The following STXBP4 variants were observed in gnomAD, a reference collection of about 807,000 sequenced individuals.
The protein encoded by STXBP4 is syntaxin-binding protein 4.
STXBP4 carries 55 observed loss-of-function variants against 76.1 expected under a neutral mutation model. The ratio of observed to expected loss-of-function variants is 0.72; its 90% CI spans 0.58 to 0.91. The LOEUF (loss-of-function observed/expected upper bound fraction) is 0.91, where lower values mean the gene tolerates loss of function less well. Among genes scored for constraint, STXBP4 ranks in the 40% least tolerant of loss-of-function variants. The pLI, the probability that STXBP4 is intolerant of heterozygous loss-of-function variation, is 0.00. For synonymous variants in STXBP4, 201 were observed against 220.2 expected, an observed-to-expected ratio of 0.91 and a Z score of 0.77; for missense variants, 618 against 636.9, an observed-to-expected ratio of 0.97 and a Z score of 0.32.
chr17:55,043,508 T>A, intron 11 of STXBP4, 183 bp downstream of exon 11: 1 of 1,041,646 alleles, frequency 9.6e-7, no homozygotes, highest in Non-Finnish European at 1.4e-6. Flanking sequence ...TTGGTCTACA[T>A]ATTTATATTT....
chr17:54,969,442 G>T (rs1399889185), intron 1 of STXBP4, among the ~76,000 whole-genome samples: 1 of 152,246 alleles, frequency 6.6e-6, no homozygotes, highest in Non-Finnish European at 1.5e-5. Context: ...AAGAGCTCAG[G>T]TTCTGAGGTT....
intron 12 of STXBP4, among the ~76,000 whole-genome samples, chr17:55,062,542 A>G (rs2079006749): frequency 6.6e-6 from 1 of 152,040 alleles, no homozygotes; most frequent in Non-Finnish European, 1.5e-5. Flanking sequence ...ATAGTGCTAC[A>G]ATAAACATAT....
intron 12 of STXBP4, among the ~76,000 whole-genome samples, chr17:55,059,460 G>A (rs1446305589): frequency 1.3e-5 from 2 of 151,948 alleles, no homozygotes; most frequent in Non-Finnish European, 2.9e-5. Context: ...GTCTTGTTTT[G>A]TGAAAAAATA....
chr17:55,052,704 T>C (rs1344468661), intron 12 of STXBP4, among the ~76,000 whole-genome samples: 1 of 151,982 alleles, frequency 6.6e-6, no homozygotes, highest in Non-Finnish European at 1.5e-5. Context: ...GACTAAATGT[T>C]GCTAAATGTG....
chr17:55,183,682 A>G, the STXBP4 span, among the ~76,000 whole-genome samples: 1 of 152,200 alleles, frequency 6.6e-6, no homozygotes, highest in African/African-American at 2.4e-5. Flanking sequence ...TAAAAAGCAA[A>G]TGAATTTTAA....
intron 1 of STXBP4, among the ~76,000 whole-genome samples, chr17:54,983,793 A>G (rs1176641608): frequency 1.2e-4 from 18 of 152,192 alleles, no homozygotes; most frequent in Admixed American, 9.2e-4. Context: ...AAAGCAGTCT[A>G]TAATGAACTT....
chr17:55,133,290 C>A (rs2079992364), intron 16 of STXBP4, among the ~76,000 whole-genome samples: 1 of 151,898 alleles, frequency 6.6e-6, no homozygotes, highest in Non-Finnish European at 1.5e-5. Context: ...TGTCCTAGGC[C>A]TGAGCAACTG....
At position 54,970,100 on chromosome 17, in the gene STXBP4, T is replaced by C. The variant is rs139107254; in HGVS notation, c.-157+1285T>C. On this transcript the variant is annotated intron_variant, in intron 1 of 17. Coordinates refer to ENST00000376352, the MANE Select transcript of STXBP4 (RefSeq NM_178509.6). The stretch of plus-strand genomic sequence containing the variant: ...CAGGGGAAGGAAAGAGATAGAATGA[T>C]TGAAGAACAGAAAGAAGGCCACTGT... 1.8e-3 allele frequency among the ~76,000 whole-genome samples: 278 copies of C among 152,178 alleles called. 4 individuals carry two copies. In the East Asian group the frequency reaches 0.038, roughly 21 times the overall value.
chr17:55,051,616 G>T (rs1598267327), intron 12 of STXBP4, among the ~76,000 whole-genome samples: 1 of 152,188 alleles, frequency 6.6e-6, no homozygotes, highest in South Asian at 2.1e-4. Flanking sequence ...CCCTGAGTTG[G>T]GTGTGATGGT....
the STXBP4 span, among the ~76,000 whole-genome samples, chr17:55,182,840 T>C: frequency 4.8e-4 from 73 of 152,258 alleles, no homozygotes; most frequent in South Asian, 1.2e-3. Flanking sequence ...TAGAATTCTA[T>C]GTCTGGCAAT....
chr17:55,190,180 T>C, the STXBP4 span, among the ~76,000 whole-genome samples: 1 of 152,158 alleles, frequency 6.6e-6, no homozygotes. Context: ...CAAATACTTA[T>C]TGAACACCAT....
intron 8 of STXBP4, among the ~76,000 whole-genome samples, chr17:55,010,683 G>A (rs1598198746): frequency 1.3e-5 from 2 of 151,940 alleles, no homozygotes; most frequent in African/African-American, 2.4e-5. Flanking sequence ...ATGCCATTTC[G>A]CTGATATTTA....
At chr17:55,181,800 G>A in the STXBP4 span, among the ~76,000 whole-genome samples, 4 of 152,176 alleles carry the variant, frequency 2.6e-5, no homozygotes, top group Admixed American at 2.0e-4. Context: ...GATTCTAGAA[G>A]GGGTGAGTAA....
At chr17:55,207,049 G>A in the STXBP4 span, among the ~76,000 whole-genome samples, 1 of 151,962 alleles carries the variant, frequency 6.6e-6, no homozygotes, top group African/African-American at 2.4e-5. Context: ...ACTTCTCACA[G>A]TGGTTCACCC....
At chr17:55,123,652 G>C (rs2079872223) in intron 16 of STXBP4, among the ~76,000 whole-genome samples, 1 of 152,112 alleles carries the variant, frequency 6.6e-6, no homozygotes, top group African/African-American at 2.4e-5. Flanking sequence ...TGTAATCCCA[G>C]CACTTTGGGA....
intron 7 of STXBP4, among the ~76,000 whole-genome samples, chr17:55,004,298 T>C (rs1422896633): frequency 4.6e-5 from 7 of 152,092 alleles, no homozygotes; most frequent in East Asian, 3.9e-4. Context: ...AGCAAAATAG[T>C]TATGGGGAAA....
intron 17 of STXBP4, among the ~76,000 whole-genome samples, chr17:55,145,073 G>A (rs1457460070): frequency 6.6e-6 from 1 of 152,134 alleles, no homozygotes; most frequent in East Asian, 1.9e-4. Flanking sequence ...GTTTCTTTAT[G>A]GTTCTTAGCT....
At chr17:54,969,124 C>G (rs1404446055) in intron 1 of STXBP4, among the ~76,000 whole-genome samples, 1 of 152,180 alleles carries the variant, frequency 6.6e-6, no homozygotes. Context: ...TCATGGGCAC[C>G]CACGACACCT....
intron 4 of STXBP4, among the ~76,000 whole-genome samples, chr17:54,997,228 G>A (rs1259128414): frequency 6.6e-6 from 1 of 152,066 alleles, no homozygotes; most frequent in Non-Finnish European, 1.5e-5. Flanking sequence ...CACATGATCA[G>A]CTAAGATCTT....
Sources: allele counts gnomAD v4.1 joint callset (sites outside exome capture counted in the v4.1 genomes callset), GRCh38; gene constraint gnomAD v4.1.1; transcripts MANE v1.5; gene names NCBI Gene and HGNC (gene_info 2026-07-23, HGNC 2026-07-21).